The following FBLN5 variants were observed in gnomAD, a reference collection of about 807,000 sequenced individuals.
FBLN5 encodes the protein fibulin 5.
Under a neutral mutation model 61.6 loss-of-function variants are expected in FBLN5, and 24 were observed. The observed-to-expected ratio is 0.39, with a 90% CI of 0.28 to 0.55. FBLN5 has a LOEUF of 0.55. Among genes scored for constraint, FBLN5 ranks in the 20% least tolerant of loss-of-function variants. FBLN5 has a pLI of 0.65. For synonymous variants in FBLN5, 213 were observed against 219.8 expected, an observed-to-expected ratio of 0.97 and a Z score of 0.27; for missense variants, 470 against 594.1, an observed-to-expected ratio of 0.79 and a Z score of 2.17.
intron 2 of FBLN5, chr14:91,942,308 A>G (rs2056118093): frequency 2.6e-6 from 1 of 388,764 alleles, no homozygotes; most frequent in African/African-American, 2.1e-5. Context: ...CTAGGTTTGG[A>G]GCTGAATTAT....
intron 5 of FBLN5, among the ~76,000 whole-genome samples, chr14:91,893,617 C>T (rs909026112): frequency 1.3e-5 from 2 of 152,214 alleles, no homozygotes; most frequent in Non-Finnish European, 2.9e-5. Flanking sequence ...GAAAACACAG[C>T]ATAGAAATCA....
In FBLN5 at chr14:91,891,286, G is replaced by A. The variant is rs199912550; in HGVS notation, c.554C>T (p.Pro185Leu). ...GTTGCATGTACAAGAATAGGATCCA[G>A]GAACATTCGCACAGAGCTGCTGGCA... ...GYCQQLCANVPGSYSCTCNPG... is the reference protein window; with the variant it reads ...GYCQQLCANVLGSYSCTCNPG... The change falls in exon 6 of 11, where the codon CCT (proline) becomes CTT (leucine). Residue 185 changes from proline to leucine, a missense_variant. By Grantham distance (98) the Pro-to-Leu change is moderately conservative (BLOSUM62 -3). Transcript: ENST00000342058. The A allele has an allele frequency of 8.1e-6, 13 of 1,613,934 alleles. 1 individual carries two copies. The East Asian group carries it at 2.5e-4, about 30-fold the overall frequency.
intron 10 of FBLN5, among the ~76,000 whole-genome samples, chr14:91,875,343 C>T (rs1889117745): frequency 6.6e-6 from 1 of 152,136 alleles, no homozygotes; most frequent in South Asian, 2.1e-4. Context: ...ATGTTGACAT[C>T]CTGAAAGGCC....
chr14:91,915,280 T>C (rs983594786), intron 4 of FBLN5, among the ~76,000 whole-genome samples: 3 of 152,094 alleles, frequency 2.0e-5, no homozygotes, highest in Admixed American at 6.6e-5. Flanking sequence ...AAAAAGCTTA[T>C]GCAAATGAAG....
chr14:91,936,533 C>CG (rs2056018479), intron 4 of FBLN5, among the ~76,000 whole-genome samples: 1 of 152,122 alleles, frequency 6.6e-6, no homozygotes, highest in African/African-American at 2.4e-5. Context: ...ATCAAGGGTG[C>CG]GGGGGCTGAG....
chr14:91,946,920 T>G, intron 1 of FBLN5: 1 of 1,458,584 alleles, frequency 6.9e-7, no homozygotes, highest in Non-Finnish European at 9.0e-7. Context: ...ACGACAAAGT[T>G]GCTGCCCTTT....
chr14:91,943,496 G>A lies in FBLN5; in HGVS notation c.18-535C>T, dbSNP rs552798920. ...TGCACTCCAGCCTGGGTGACAGAGC[G>A]AGACCTTGTCCTCCCCCCACCCCCC... On this transcript the variant is annotated intron_variant, in intron 1 of 10. Coordinates refer to ENST00000342058, the MANE Select transcript of FBLN5 (RefSeq NM_006329.4). The surrounding 1 kb of genome is among the most constrained non-coding windows in gnomAD (Gnocchi z 4.0). Among the ~76,000 whole-genome samples the A allele has an allele frequency of 2.0e-3, 304 of 152,108 alleles. 2 individuals carry two copies. Among genetic ancestry groups the A allele is most frequent in the African/African-American group, 6.8e-3 (283 of 41,514 alleles).
intron 1 of FBLN5, among the ~76,000 whole-genome samples, chr14:91,945,826 A>G (rs1462837970): frequency 1.3e-5 from 2 of 152,200 alleles, no homozygotes; most frequent in Non-Finnish European, 2.9e-5. Flanking sequence ...CTCTGACCTT[A>G]TAAAGTGCAG....
intron 9 of FBLN5, among the ~76,000 whole-genome samples, 167 bp downstream of exon 9, chr14:91,881,125 A>C (rs2430346): frequency 0.13 from 718 of 5,366 alleles, 13 homozygotes; most frequent in Middle Eastern, 0.25. Context: ...TATTCTACAC[A>C]CACACACACA....
chr14:91,885,606 T>C (rs1889693912), intron 7 of FBLN5, among the ~76,000 whole-genome samples: 1 of 152,016 alleles, frequency 6.6e-6, no homozygotes, highest in Non-Finnish European at 1.5e-5. Flanking sequence ...GGTGGTTGGT[T>C]GGTTGGTTGG....
At chr14:91,899,446 G>A (rs8013684) in intron 4 of FBLN5, among the ~76,000 whole-genome samples, 44,868 of 152,156 alleles carry the variant, frequency 0.29, 8,137 homozygotes, top group East Asian at 0.45. Flanking sequence ...GAAAAGCCCA[G>A]CACTGCCCCT....
intron 4 of FBLN5, among the ~76,000 whole-genome samples, chr14:91,926,254 G>A (rs1383049990): frequency 1.3e-5 from 2 of 152,150 alleles, no homozygotes; most frequent in African/African-American, 4.8e-5. Flanking sequence ...GGGCTGCTGG[G>A]AAGCCCTGGC....
At chr14:91,880,595 T>C (rs1379380656) in intron 9 of FBLN5, among the ~76,000 whole-genome samples, 3 of 151,974 alleles carry the variant, frequency 2.0e-5, no homozygotes, top group Non-Finnish European at 2.9e-5. Context: ...TCACCCAGAC[T>C]GGACTGCAGT....
intron 2 of FBLN5, among the ~76,000 whole-genome samples, chr14:91,941,503 C>T (rs1403716432): frequency 6.6e-6 from 1 of 152,144 alleles, no homozygotes; most frequent in South Asian, 2.1e-4. Flanking sequence ...GGTTGGGCTT[C>T]GCTGAGCTGT....
chr14:91,941,826 G>A (rs2140054458), intron 2 of FBLN5, among the ~76,000 whole-genome samples: 1 of 152,292 alleles, frequency 6.6e-6, no homozygotes, highest in African/African-American at 2.4e-5. Flanking sequence ...GACGATGTAT[G>A]TTAATCTATA....
chr14:91,880,790 A>G (rs892029028), intron 9 of FBLN5, among the ~76,000 whole-genome samples: 1 of 152,068 alleles, frequency 6.6e-6, no homozygotes, highest in Non-Finnish European at 1.5e-5. Flanking sequence ...AGCTCAGGCA[A>G]TCCACCCACC....
At position 91,880,522 on chromosome 14, in the gene FBLN5, CGTGCGT is replaced by C. The variant is rs1889378078; in HGVS notation, c.989+764_989+769del. Among the ~76,000 whole-genome samples the C allele has an allele frequency of 9.4e-5, 10 of 106,934 alleles. No individual in the cohort carries two copies. In the South Asian group the frequency reaches 3.3e-3, roughly 35 times the overall value. The allele number at this position is 106,934 out of a possible 152,430, so 70.2% of individuals were successfully genotyped here. ...TGATAGAGAACTCTGTGGGAGTGTG[CGTGCGT>C]GTGTGTGTGTGTGTGTGTGTGTGTG... On this transcript the variant is annotated intron_variant, in intron 9 of 10. Coordinates refer to ENST00000342058, the MANE Select transcript of FBLN5 (RefSeq NM_006329.4).
chr14:91,873,215 CCT>C (rs910371668), intron 10 of FBLN5, among the ~76,000 whole-genome samples: 5 of 152,132 alleles, frequency 3.3e-5, no homozygotes, highest in Non-Finnish European at 5.9e-5. Context: ...GAAATAAACC[CCT>C]GAGAGCCCGT....
intron 4 of FBLN5, among the ~76,000 whole-genome samples, chr14:91,907,770 C>T (rs1890743022): frequency 6.6e-6 from 1 of 152,056 alleles, no homozygotes; most frequent in African/African-American, 2.4e-5. Flanking sequence ...GGAGTAAAAA[C>T]ACAGCCATCC....
Sources: gnomAD v4.1 joint callset for allele counts (sites outside exome capture counted in the v4.1 genomes callset) on GRCh38, gnomAD v4.1.1 for gene constraint, Gnocchi (gnomAD v3.1) non-coding constraint, MANE v1.5 for transcripts, NCBI Gene and HGNC (gene_info 2026-07-23, HGNC 2026-07-21) for gene names.